LOXL2: variants seen among roughly 807,000 people sequenced by gnomAD.
The protein encoded by LOXL2 is lysyl oxidase like 2, also known as lysyl oxidase homolog 2.
In LOXL2, 70 loss-of-function variants were observed where a neutral mutation model predicts 93.0. The observed-to-expected ratio is 0.75, with a 90% CI of 0.62 to 0.92. LOXL2 has a LOEUF of 0.92. Ranked by LOEUF, LOXL2 falls within the 40% of genes least tolerant of loss-of-function variation. LOXL2 has a pLI of 0.00. For missense variants in LOXL2, 973 were observed against 1,054.9 expected (o/e 0.92, Z 1.08); for synonymous variants, 438 against 413.2 (o/e 1.06, Z -0.73).
At chr8:23,402,289 C>G (rs1046026901) in intron 1 of LOXL2, among the ~76,000 whole-genome samples, 2 of 150,918 alleles carry the variant, frequency 1.3e-5, no homozygotes, top group African/African-American at 4.9e-5. Flanking sequence ...ATACATGTGC[C>G]CACACATACA....
chr8:23,367,670 G>A (rs944527379), intron 2 of LOXL2, among the ~76,000 whole-genome samples: 2 of 148,874 alleles, frequency 1.3e-5, no homozygotes, highest in Non-Finnish European at 2.9e-5. Flanking sequence ...AGCACAGGCC[G>A]ATTTCACCCC....
At chr8:23,359,380 A>C (rs1053225368) in intron 3 of LOXL2, among the ~76,000 whole-genome samples, 2 of 151,012 alleles carry the variant, frequency 1.3e-5, no homozygotes, top group Non-Finnish European at 3.0e-5. Flanking sequence ...TCTTTCTCTC[A>C]CTCTCCTTTG....
intron 11 of LOXL2, among the ~76,000 whole-genome samples, chr8:23,302,705 C>T (rs1304211561): frequency 9.2e-5 from 14 of 152,184 alleles, no homozygotes; most frequent in Non-Finnish European, 1.9e-4. Flanking sequence ...TGCCTGGACA[C>T]TGCTGTAAAC....
chr8:23,373,872 C>T (rs1283929568), intron 1 of LOXL2, among the ~76,000 whole-genome samples: 1 of 152,068 alleles, frequency 6.6e-6, no homozygotes, highest in East Asian at 1.9e-4. Context: ...TTTCCCACCC[C>T]CATCCCCCAA....
intron 1 of LOXL2, among the ~76,000 whole-genome samples, chr8:23,381,998 G>A (rs1421917943): frequency 6.6e-6 from 1 of 152,250 alleles, no homozygotes; most frequent in African/African-American, 2.4e-5. Flanking sequence ...GGGAAAGACA[G>A]CAGAGGGGAC....
chr8:23,392,035 T>C (rs570393310), intron 1 of LOXL2, among the ~76,000 whole-genome samples: 2 of 152,330 alleles, frequency 1.3e-5, no homozygotes, highest in South Asian at 4.1e-4. Context: ...CTTGGCTCTG[T>C]ATACCTTTCG....
chr8:23,375,551 C>A (rs1378182175), intron 1 of LOXL2, among the ~76,000 whole-genome samples: 1 of 152,174 alleles, frequency 6.6e-6, no homozygotes, highest in Non-Finnish European at 1.5e-5. Flanking sequence ...TGGCCATTTT[C>A]ACGTTATTGA....
chr8:23,349,590 C>A (rs768530036), intron 3 of LOXL2, among the ~76,000 whole-genome samples: 2 of 151,480 alleles, frequency 1.3e-5, no homozygotes, highest in African/African-American at 2.4e-5. Flanking sequence ...CGTTTGATTT[C>A]TTCTTTATTC....
Position 23,330,837 on chromosome 8 carries a change from AG to A in LOXL2, c.967-2273del, listed in dbSNP as rs1335381687. Among the ~76,000 whole-genome samples the A allele has an allele frequency of 2.6e-5, 4 of 150,964 alleles. No individual in the cohort carries two copies. In the East Asian group the frequency reaches 7.9e-4, roughly 30 times the overall value. Reference sequence around the variant, plus strand: ...TGGGGGGTGGTGGACTGATTGTCGGAGGAGAGGGACATGGCGCTGTCCAGGC... The same window carrying A: ...TGGGGGGTGGTGGACTGATTGTCGGAGAGAGGGACATGGCGCTGTCCAGGC... On this transcript the variant is annotated intron_variant, in intron 5 of 13. Coordinates refer to ENST00000389131, the MANE Select transcript of LOXL2 (RefSeq NM_002318.3).
At chr8:23,351,165 G>T (rs867662810) in intron 3 of LOXL2, among the ~76,000 whole-genome samples, 1 of 152,210 alleles carries the variant, frequency 6.6e-6, no homozygotes, top group Non-Finnish European at 1.5e-5. Flanking sequence ...TGTATTGAGT[G>T]AATGAATAAA....
chr8:23,390,626 T>C (rs1473161283), intron 1 of LOXL2, among the ~76,000 whole-genome samples: 3 of 152,236 alleles, frequency 2.0e-5, no homozygotes, highest in Non-Finnish European at 4.4e-5. Context: ...CTGGGAAGGC[T>C]GAAGGTACAG....
chr8:23,348,567 GAAACAAAACA>G (rs920932253), intron 3 of LOXL2, among the ~76,000 whole-genome samples: 3 of 151,764 alleles, frequency 2.0e-5, no homozygotes, highest in Non-Finnish European at 4.4e-5. Context: ...GATCTTCTAA[GAAACAAAACA>G]AAACAAAACA....
chr8:23,300,435 C>G (rs540692914), intron 12 of LOXL2, among the ~76,000 whole-genome samples: 8 of 152,352 alleles, frequency 5.3e-5, no homozygotes, highest in African/African-American at 1.7e-4. Flanking sequence ...GGTCCCTCTG[C>G]GTGGACGGTC....
intron 1 of LOXL2, chr8:23,371,122 A>G (rs1346071179): frequency 6.6e-6 from 1 of 152,212 alleles, no homozygotes; most frequent in African/African-American, 2.4e-5. Context: ...CCCTCAACAC[A>G]AATAAGGAGA....
intron 10 of LOXL2, among the ~76,000 whole-genome samples, chr8:23,304,390 C>T (rs904072455): frequency 7.2e-5 from 11 of 152,302 alleles, no homozygotes; most frequent in East Asian, 1.9e-4. Context: ...TGCCCAGGCC[C>T]GGGGCTGAAG....
chr8:23,333,326 G>T (rs999990154), intron 5 of LOXL2, 75 bp downstream of exon 5: 23 of 1,362,168 alleles, frequency 1.7e-5, no homozygotes, highest in African/African-American at 9.9e-5. Flanking sequence ...TCTCCTGGGG[G>T]ATCCTGCCTA....
intron 4 of LOXL2, among the ~76,000 whole-genome samples, chr8:23,338,186 A>ACC (rs1217207240): frequency 6.6e-6 from 1 of 152,112 alleles, no homozygotes; most frequent in African/African-American, 2.4e-5. Context: ...GGAAAAACCC[A>ACC]CACCCATGAT....
intron 1 of LOXL2, among the ~76,000 whole-genome samples, chr8:23,393,146 C>T (rs1323996613): frequency 2.0e-5 from 3 of 152,174 alleles, no homozygotes; most frequent in Non-Finnish European, 4.4e-5. Flanking sequence ...AATTGATCTA[C>T]GAATTCAACA....
At chr8:23,403,900 CCCGCTTTCTCGCGAA>C (rs1800184682) in intron 1 of LOXL2, 39 bp downstream of exon 1, 1 of 156,788 alleles carries the variant, frequency 6.4e-6, no homozygotes, top group Non-Finnish European at 1.4e-5. Flanking sequence ...TAGGGACGCT[CCCGCTTTCTCGCGAA>C]CCGCTTCGGG....
Sources: gnomAD v4.1 joint callset for allele counts (sites outside exome capture counted in the v4.1 genomes callset) on GRCh38, gnomAD v4.1.1 for gene constraint, MANE v1.5 for transcripts, NCBI Gene and HGNC (gene_info 2026-07-23, HGNC 2026-07-21) for gene names.